Variants in ATAD5 observed in about 807,000 individuals in gnomAD.
ATAD5 encodes ATPase family AAA domain-containing protein 5.
Under a neutral mutation model 176.9 loss-of-function variants are expected in ATAD5, and 58 were observed. The ratio of observed to expected loss-of-function variants is 0.33; its 90% confidence interval spans 0.27 to 0.41. ATAD5 has a LOEUF of 0.41. Among genes scored for constraint, ATAD5 ranks in the 10% least tolerant of loss-of-function variants. The pLI, the probability that ATAD5 is intolerant of heterozygous loss-of-function variation, is 1.00. For missense variants in ATAD5, 1,789 were observed against 2,094.1 expected, an observed-to-expected ratio of 0.85 and a Z score of 2.84; for synonymous variants, 640 against 712.6, an observed-to-expected ratio of 0.90 and a Z score of 1.62.
At chr17:30,833,885 T>C (rs1905529284) in intron 1 of ATAD5, among the ~76,000 whole-genome samples, 1 of 152,192 alleles carries the variant, frequency 6.6e-6, no homozygotes, top group South Asian at 2.1e-4. Context: ...TTTCACCACG[T>C]TGGCCAGGCT....
chr17:30,894,625 G>A lies in ATAD5; in HGVS notation c.5359G>A (p.Val1787Met). 1 of 1,613,330 alleles carries A rather than the reference G, an allele frequency of 6.2e-7. No individual in the cohort carries two copies. Among genetic ancestry groups the A allele is most frequent in the Admixed American group, 1.7e-5 (1 of 59,980 alleles). Reference sequence around the variant, plus strand: ...ATTTTCGAGTCGATCTCTTCTCTATGTGGGTAATAGACAAGCTAGTATAAT... The same window carrying A: ...ATTTTCGAGTCGATCTCTTCTCTATATGGGTAATAGACAAGCTAGTATAAT... ...SVFSSRSLLY[V>M]GNRQASIIEY... Residue 1787 changes from valine to methionine, a missense_variant, in exon 22 of 23, where the codon GTG becomes ATG. By Grantham distance (21) the Val-to-Met change is conservative. Around this residue, in one of 6 missense-constraint regions of ATAD5, gnomAD observed 403 missense variants for 495.1 expected, o/e 0.81. Transcript: ENST00000321990.
At chr17:30,854,123 G>A (rs555932568) in intron 6 of ATAD5, among the ~76,000 whole-genome samples, 1 of 148,592 alleles carries the variant, frequency 6.7e-6, no homozygotes, top group East Asian at 2.0e-4. Flanking sequence ...AATATTTTAG[G>A]TAATTTTATT....
chr17:30,891,158 T>C (rs577380600), intron 19 of ATAD5, among the ~76,000 whole-genome samples: 3 of 152,362 alleles, frequency 2.0e-5, no homozygotes, highest in African/African-American at 4.8e-5. Context: ...TACATTTTGA[T>C]AGTTGTTGTC....
intron 8 of ATAD5, 80 bp downstream of exon 8, chr17:30,857,192 TTA>T (rs1171672154): frequency 1.4e-6 from 2 of 1,450,358 alleles, no homozygotes; most frequent in African/African-American, 3.0e-5. Flanking sequence ...ATATCTACTC[TTA>T]TAGCCTCGAG....
intron 6 of ATAD5, among the ~76,000 whole-genome samples, chr17:30,852,020 T>C (rs1270931143): frequency 1.3e-5 from 2 of 152,240 alleles, no homozygotes; most frequent in Non-Finnish European, 2.9e-5. Flanking sequence ...CCTGCAATTA[T>C]GGGCCTTAAT....
chr17:30,877,446 T>G lies in ATAD5; in HGVS notation c.3815T>G (p.Ile1272Ser). 1 of 1,551,066 alleles carries G rather than the reference T, an allele frequency of 6.4e-7. No individual in the cohort carries two copies. Among genetic ancestry groups the G allele is most frequent in the Non-Finnish European group, 8.8e-7 (1 of 1,130,840 alleles). ...AAAAATTCTTTTGAACAGAAACAAA[T>G]TACTCAGACTAAATCTACAAATGCA... ...GIKNSFEQKQ[I>S]TQTKSTNATN... is the part of the protein sequence containing the mutation. Residue 1272 changes from isoleucine (I) to serine (S), a missense_variant, in exon 16 of 23, where the codon ATT becomes AGT. By Grantham distance (142) the Ile-to-Ser change is moderately radical. This residue lies in a region of ATAD5 where 194 missense variants were observed against 270.1 expected (regional missense o/e 0.72). Coordinates refer to ENST00000321990, the MANE Select transcript of ATAD5 (RefSeq NM_024857.5).
intron 18 of ATAD5, among the ~76,000 whole-genome samples, chr17:30,886,371 A>ATTTT (rs1909322070): frequency 1.4e-5 from 2 of 142,202 alleles, no homozygotes; most frequent in South Asian, 2.2e-4. Flanking sequence ...AAATTGAATT[A>ATTTT]TTTTATTTAT....
chr17:30,889,886 C>CTTTTT (rs60266614), intron 19 of ATAD5, among the ~76,000 whole-genome samples: 151 of 95,676 alleles, frequency 1.6e-3, no homozygotes, highest in East Asian at 3.2e-3. Context: ...TCTTTTCTTT[C>CTTTTT]TTTTTTTTTT....
At chr17:30,871,081 G>A (rs1908306496) in intron 14 of ATAD5, among the ~76,000 whole-genome samples, 1 of 150,496 alleles carries the variant, frequency 6.6e-6, no homozygotes, top group Admixed American at 6.7e-5. Context: ...CTGATGCTTT[G>A]TTCAATTTTT....
At chr17:30,852,815 A>G (rs148534850) in intron 6 of ATAD5, among the ~76,000 whole-genome samples, 184 of 152,180 alleles carry the variant, frequency 1.2e-3, no homozygotes, top group African/African-American at 4.2e-3. Flanking sequence ...GACAGCACCA[A>G]TCCGTTCATG....
chr17:30,887,736 C>T (rs1312879906), intron 19 of ATAD5, among the ~76,000 whole-genome samples: 1 of 152,084 alleles, frequency 6.6e-6, no homozygotes, highest in African/African-American at 2.4e-5. Flanking sequence ...ATCACATGAT[C>T]CCCGAAGAGT....
At chr17:30,855,389 T>C (rs1328657761) in intron 7 of ATAD5, 62 bp downstream of exon 7, 6 of 1,439,404 alleles carry the variant, frequency 4.2e-6, no homozygotes, top group African/African-American at 1.4e-5. Flanking sequence ...CATTAAACTA[T>C]GTAAGTTTCT....
At chr17:30,854,231 AATTAT>A (rs1178037988) in intron 6 of ATAD5, among the ~76,000 whole-genome samples, 1 of 147,206 alleles carries the variant, frequency 6.8e-6, no homozygotes, top group Non-Finnish European at 1.5e-5. Flanking sequence ...TAAATTATAT[AATTAT>A]ATTTTATAGA....
In ATAD5 at chr17:30,865,813, T is replaced by C; in HGVS notation, c.3233+13T>C. 6.9e-7 allele frequency: 1 copy of C among 1,455,298 alleles called. No homozygotes were observed. Among genetic ancestry groups the C allele is most frequent in the Non-Finnish European group, 9.3e-7 (1 of 1,070,878 alleles). 90.1% of individuals were successfully genotyped at this position (1,455,298 alleles called of 1,614,324 possible). ...AAAAGTTACATAGGTTGGTAAAATG[T>C]GTAAGGAATTGAGAAATAGTTTACA... On this transcript the variant is annotated intron_variant, in intron 11 of 22. Transcript: ENST00000321990.
chr17:30,857,275 G>A (rs1780674545), intron 8 of ATAD5, among the ~76,000 whole-genome samples, 163 bp downstream of exon 8: 1 of 151,652 alleles, frequency 6.6e-6, no homozygotes, highest in African/African-American at 2.4e-5. Context: ...CTGGAGTGCA[G>A]TGGTGCAATC....
At position 30,856,995 on chromosome 17, in the gene ATAD5, C is replaced by T. The variant is rs773866913; in HGVS notation, c.2676C>T (p.Leu892=). Reference sequence around the variant, plus strand: ...ATTTGAAACCACCCTCTTGTCCTCTCTTAACTAAATTTAAAGAACTGAACA... The same window carrying T: ...ATTTGAAACCACCCTCTTGTCCTCTTTTAACTAAATTTAAAGAACTGAACA... The part of the protein sequence containing the change: ...LWHLKPPSCP[L]LTKFKELNTK... Residue 892 remains leucine (L), a synonymous_variant, in exon 8 of 23, where the codon CTC becomes CTT. Transcript: ENST00000321990. 2 of 1,605,258 alleles carry T rather than the reference C, an allele frequency of 1.2e-6. No homozygotes were observed. The highest frequency in any genetic ancestry group is 1.7e-6 in the Non-Finnish European group (2 of 1,178,082).
At chr17:30,885,551 A>G (rs1909263071) in intron 18 of ATAD5, among the ~76,000 whole-genome samples, 1 of 151,936 alleles carries the variant, frequency 6.6e-6, no homozygotes, top group Non-Finnish European at 1.5e-5. Context: ...TTACTGTTGA[A>G]TACAAAGTTA....
Position 30,834,666 on chromosome 17 carries a change from A to T in ATAD5, c.585A>T (p.Gln195His). ...ATTCTAAAAAAGTAAATCCTAAACAAGGGACCACAAAAAATGACTTCAAAA... is the reference window on the plus strand; with the variant it reads ...ATTCTAAAAAAGTAAATCCTAAACATGGGACCACAAAAAATGACTTCAAAA... Reference protein sequence around the residue: ...LQNSKKVNPKQGTTKNDFKKL... With the variant: ...LQNSKKVNPKHGTTKNDFKKL... Residue 195 changes from glutamine (Q) to histidine (H), a missense_variant, in exon 2 of 23, where the codon CAA becomes CAT. Gln to His is a conservative substitution (Grantham distance 24). Around this residue, in one of 6 missense-constraint regions of ATAD5, gnomAD observed 696 missense variants for 712.5 expected, o/e 0.98. Transcript: ENST00000321990. 1 of 1,610,674 alleles carries T rather than the reference A, an allele frequency of 6.2e-7. No individual in the cohort carries two copies. The highest frequency in any genetic ancestry group is 1.1e-5 in the South Asian group (1 of 89,916).
Position 30,887,259 on chromosome 17 carries a change from T to G in ATAD5, c.4145T>G (p.Phe1382Cys), listed in dbSNP as rs1473742060. The G allele has an allele frequency of 6.2e-7, 1 of 1,608,128 alleles. No homozygotes were observed. Among genetic ancestry groups the G allele is most frequent in the Non-Finnish European group, 8.5e-7 (1 of 1,177,896 alleles). Residue 1382 changes from phenylalanine to cysteine, a missense_variant, in exon 19 of 23, where the codon TTT becomes TGT. This residue lies in a region of ATAD5 where 194 missense variants were observed against 270.1 expected (regional missense o/e 0.72). Coordinates refer to ENST00000321990, the MANE Select transcript of ATAD5 (RefSeq NM_024857.5). ...AATTTTAGAACTGATGTAAAAGACTTTGTAACCTTGTTAACTGCAAATACT... is the reference window on the plus strand; with the variant it reads ...AATTTTAGAACTGATGTAAAAGACTGTGTAACCTTGTTAACTGCAAATACT... ...TENFRTDVKD[F>C]VTLLTANTCD...
Sources: allele counts gnomAD v4.1 joint callset (sites outside exome capture counted in the v4.1 genomes callset), GRCh38; gene constraint gnomAD v4.1.1; regional missense constraint gnomAD v4.1.1; transcripts MANE v1.5; gene names NCBI Gene and HGNC (gene_info 2026-07-23, HGNC 2026-07-21).